The following GREB1 variants were observed in gnomAD, a reference collection of about 807,000 sequenced individuals.
The protein encoded by GREB1 is growth regulating estrogen receptor binding 1, also known as protein GREB1.
GREB1 carries 106 observed loss-of-function variants against 200.7 expected under a neutral mutation model. That is an observed-to-expected ratio of 0.53 (90% confidence interval 0.45 to 0.62). GREB1 has a LOEUF of 0.62. Among genes scored for constraint, GREB1 ranks in the 20% least tolerant of loss-of-function variants. GREB1 has a pLI of 0.00. For missense variants in GREB1, 2,243 were observed against 2,556.8 expected (o/e 0.88, Z 2.65); for synonymous variants, 1,132 against 1,092.4 (o/e 1.04, Z -0.72).
chr2:11,625,373 A>G, intron 24 of GREB1, 61 bp downstream of exon 24: 1 of 1,517,070 alleles, frequency 6.6e-7, no homozygotes, highest in South Asian at 1.2e-5. Context: ...TCTTAAAGGG[A>G]TGAGCTGGAT....
chr2:11,581,096 A>T (rs1335362529), intron 7 of GREB1: 3 of 627,250 alleles, frequency 4.8e-6, no homozygotes, highest in African/African-American at 3.7e-5. Flanking sequence ...GACCTGTCCT[A>T]TGGGCTGCAC....
At chr2:11,575,263 AGACATACCAGTGGGT>A (rs1678730607) in intron 4 of GREB1, among the ~76,000 whole-genome samples, 1 of 152,250 alleles carries the variant, frequency 6.6e-6, no homozygotes. Context: ...CAAAGAAACC[AGACATACCAGTGGGT>A]GAAACAAGGC....
At chr2:11,565,352 G>A (rs939865951) in intron 3 of GREB1, among the ~76,000 whole-genome samples, 13 of 152,198 alleles carry the variant, frequency 8.5e-5, no homozygotes, top group Admixed American at 3.9e-4. Flanking sequence ...TCCTGCCCCC[G>A]CCCAGGGGCA....
intron 17 of GREB1, among the ~76,000 whole-genome samples, chr2:11,602,948 A>T (rs1442745182): frequency 6.6e-6 from 1 of 152,122 alleles, no homozygotes; most frequent in Non-Finnish European, 1.5e-5. Flanking sequence ...TCTTCCATGG[A>T]CTTTACTTTC....
chr2:11,562,611 A>C (rs747658954), intron 3 of GREB1, 29 bp downstream of exon 3: 2 of 1,553,858 alleles, frequency 1.3e-6, no homozygotes, highest in Non-Finnish European at 8.7e-7. Context: ...CTGGCCAGGC[A>C]GTGCCTGCCA....
intron 1 of GREB1, among the ~76,000 whole-genome samples, chr2:11,503,955 A>G (rs1243662030): frequency 2.0e-5 from 3 of 152,212 alleles, no homozygotes; most frequent in Non-Finnish European, 2.9e-5. Context: ...CTTCGTATAC[A>G]TACACACCTA....
intron 25 of GREB1, among the ~76,000 whole-genome samples, chr2:11,627,864 C>T (rs182836622): frequency 3.3e-5 from 5 of 152,160 alleles, no homozygotes; most frequent in South Asian, 2.1e-4. Flanking sequence ...CTGTTTGGGT[C>T]GGGAGCGGAA....
At chr2:11,581,638 A>C (rs1180100675) in intron 7 of GREB1, among the ~76,000 whole-genome samples, 2 of 152,186 alleles carry the variant, frequency 1.3e-5, no homozygotes, top group Non-Finnish European at 2.9e-5. Context: ...TGCTCTCCCC[A>C]CCATGCTCAT....
upstream of GREB1, among the ~76,000 whole-genome samples, chr2:11,530,137 C>T (rs940833255): frequency 2.0e-5 from 3 of 152,002 alleles, no homozygotes; most frequent in Admixed American, 2.0e-4. Flanking sequence ...TCTTGGCTCA[C>T]TGCAATCTCA....
intron 1 of GREB1, among the ~76,000 whole-genome samples, chr2:11,491,718 A>T (rs553607706): frequency 6.6e-6 from 1 of 152,334 alleles, no homozygotes; most frequent in South Asian, 2.1e-4. Flanking sequence ...AGTAAACATT[A>T]GCAGCCTCCC....
chr2:11,541,446 A>T (rs4669745), intron 1 of GREB1, among the ~76,000 whole-genome samples: 6 of 146,818 alleles, frequency 4.1e-5, no homozygotes, highest in Admixed American at 2.1e-4. Context: ...GGCAAGTGAG[A>T]GGGGGGCCAT....
rs762406578 is a variant in GREB1, at chr2:11,585,886, C to G, written c.1140C>G (p.Ala380=). The part of the protein sequence containing the change: ...VPDNLLKICK[A]KPVIFKGHGN... ...ACAACTTGCTGAAAATATGCAAGGC[C>G]AAGCCAGTGATATTTAAAGGCAAGT... Residue 380 remains alanine, a synonymous_variant, in exon 9 of 33, where the codon GCC becomes GCG. Coordinates refer to ENST00000381486, the MANE Select transcript of GREB1 (RefSeq NM_014668.4). 4.3e-6 allele frequency: 7 copies of G among 1,613,822 alleles called. No homozygotes were observed. In the African/African-American group the frequency reaches 9.3e-5, roughly 22 times the overall value.
intron 1 of GREB1, among the ~76,000 whole-genome samples, chr2:11,508,873 C>CTCTTTTTTTT (rs1553341299): frequency 7.2e-6 from 1 of 139,566 alleles, no homozygotes; most frequent in African/African-American, 2.8e-5. Context: ...TTCTTTCTCT[C>CTCTTTTTTTT]TTTTTTTTTT....
rs762653939 is a variant in GREB1, at chr2:11,612,608, G to A, written c.3120G>A (p.Pro1040=). The change falls in exon 19 of 33, where the codon CCG becomes CCA. Residue 1040 remains proline, a splice_region_variant and synonymous_variant. Transcript: ENST00000381486. ...TGGACCCGCATGGGGAGTCCTTGCCGAGGTGAGTGGAGGGGTTATGCCCCT... is the reference window on the plus strand; with the variant it reads ...TGGACCCGCATGGGGAGTCCTTGCCAAGGTGAGTGGAGGGGTTATGCCCCT... ...SGMDPHGESL[P]RSLRYCDLRL... 1.0e-5 allele frequency: 16 copies of A among 1,590,704 alleles called. No individual in the cohort carries two copies. The highest frequency in any genetic ancestry group is 6.7e-5 in the Admixed American group (4 of 59,970).
chr2:11,595,982 C>T lies in GREB1; in HGVS notation c.1826-129C>T, dbSNP rs777778212. On this transcript the variant is annotated intron_variant, in intron 12 of 32. Transcript: ENST00000381486. Reference sequence around the variant, plus strand: ...ACTAGGCTGAGACCCCTTGACAGGACGGGCCATGTCCTCCTCTTTACCTTC... The same window carrying T: ...ACTAGGCTGAGACCCCTTGACAGGATGGGCCATGTCCTCCTCTTTACCTTC... The T allele has an allele frequency of 1.3e-4, 106 of 822,882 alleles. 1 individual carries two copies. Among genetic ancestry groups the T allele is most frequent in the Middle Eastern group, 2.4e-4 (1 of 4,184 alleles). 51.0% of individuals were successfully genotyped at this position (822,882 alleles called of 1,614,324 possible). A position where few individuals can be genotyped will look rare whatever the true frequency, so the allele number is the denominator to read the frequency against.
chr2:11,592,723 C>T (rs931338259), intron 10 of GREB1, 53 bp from the exon 11 acceptor site: 127 of 1,222,048 alleles, frequency 1.0e-4, no homozygotes, highest in Non-Finnish European at 1.2e-4. Flanking sequence ...ACCCGTGCGT[C>T]CCCGGATGCC....
At chr2:11,617,081 G>A (rs188180798) in intron 21 of GREB1, among the ~76,000 whole-genome samples, 99 of 152,324 alleles carry the variant, frequency 6.5e-4, no homozygotes, top group African/African-American at 2.3e-3. Context: ...GTGCCCTGTG[G>A]GGAGAGGAGC....
chr2:11,591,296 A>G, intron 10 of GREB1: 1 of 701,144 alleles, frequency 1.4e-6, no homozygotes. Context: ...GTTATGCATC[A>G]GGAAACCATG....
intron 21 of GREB1, 145 bp from the exon 22 acceptor site, chr2:11,618,143 G>A (rs1244550795): frequency 1.8e-6 from 1 of 561,802 alleles, no homozygotes; most frequent in Non-Finnish European, 3.0e-6. Flanking sequence ...GGCCACTCCT[G>A]GGACAGGTCA....
Sources: allele counts gnomAD v4.1 joint callset (sites outside exome capture counted in the v4.1 genomes callset), GRCh38; gene constraint gnomAD v4.1.1; transcripts MANE v1.5; gene names NCBI Gene and HGNC (gene_info 2026-07-23, HGNC 2026-07-21).